The following SLC25A43 variants were observed in gnomAD, a reference collection of about 807,000 sequenced individuals.
SLC25A43 encodes solute carrier family 25, member 43.
SLC25A43 carries 10 observed loss-of-function variants against 22.8 expected under a neutral mutation model. The observed-to-expected ratio is 0.44, with a 90% CI of 0.27 to 0.74. The LOEUF is 0.74. Among genes scored for constraint, SLC25A43 ranks in the 30% least tolerant of loss-of-function variants. The pLI, the probability that SLC25A43 is intolerant of heterozygous loss-of-function variation, is 0.17. For synonymous variants in SLC25A43, 106 were observed against 121.6 expected, an observed-to-expected ratio of 0.87 and a Z score of 0.84; for missense variants, 233 against 279.1, an observed-to-expected ratio of 0.83 and a Z score of 1.18.
At chrX:119,414,914 ATTTTTTTTT>A (rs767288270) in intron 3 of SLC25A43, among the ~76,000 whole-genome samples, 5 of 56,934 alleles carry the variant, frequency 8.8e-5, no homozygotes, top group Non-Finnish European at 1.2e-4. Flanking sequence ...CACCCAGCTA[ATTTTTTTTT>A]TTTTTTTTTT....
At chrX:119,429,910 C>T (rs755435622) in intron 3 of SLC25A43, among the ~76,000 whole-genome samples, 49 of 112,221 alleles carry the variant, frequency 4.4e-4, no homozygotes, top group Admixed American at 7.6e-4. Flanking sequence ...GCATGGATTA[C>T]AGGATCTGGA....
At chrX:119,402,064 C>T (rs760129857) in intron 1 of SLC25A43, among the ~76,000 whole-genome samples, 26 of 111,967 alleles carry the variant, frequency 2.3e-4, no homozygotes, top group African/African-American at 7.8e-4. Context: ...TTTGATTAAT[C>T]GCGATGCCAT....
chrX:119,399,457 C>G lies in SLC25A43; in HGVS notation c.54C>G (p.Cys18Trp). The change falls in exon 1 of 5, where the codon TGC becomes TGG. Residue 18 changes from cysteine to tryptophan, a missense_variant. Cys to Trp is a radical substitution (Grantham distance 215). Coordinates refer to ENST00000217909, the MANE Select transcript of SLC25A43 (RefSeq NM_145305.3). Reference protein sequence around the residue: ...GRLTGGQRLLCAGLAGTLSLS... With the variant: ...GRLTGGQRLLWAGLAGTLSLS... ...TGACAGGCGGCCAAAGGCTGCTGTG[C>G]GCTGGGCTGGCGGGGACGCTCAGCC... 2.9e-6 allele frequency: 3 copies of G among 1,050,962 alleles called. No homozygotes were observed. Among genetic ancestry groups the G allele is most frequent in the Non-Finnish European group, 3.7e-6 (3 of 819,147 alleles). The allele number at this position is 1,050,962 out of a possible 1,213,427, so 86.6% of individuals were successfully genotyped here.
chrX:119,412,788 CT>C (rs2052362424), intron 3 of SLC25A43, among the ~76,000 whole-genome samples: 1 of 110,666 alleles, frequency 9.0e-6, no homozygotes, highest in Non-Finnish European at 1.9e-5. Flanking sequence ...TTGTTTCTGA[CT>C]TTGCTTTTCT....
chrX:119,430,544 T>C (rs769251962), intron 3 of SLC25A43, among the ~76,000 whole-genome samples: 2 of 112,076 alleles, frequency 1.8e-5, no homozygotes, highest in South Asian at 7.3e-4. Context: ...AGCAGCAGGC[T>C]GATGGACTCA....
intron 3 of SLC25A43, among the ~76,000 whole-genome samples, chrX:119,429,182 G>A (rs887425208): frequency 1.8e-5 from 2 of 108,934 alleles, no homozygotes; most frequent in Non-Finnish European, 3.8e-5. Flanking sequence ...CTCCCGAGTA[G>A]CTGGGAGTAC....
chrX:119,444,107 G>A (rs1175659607), intron 3 of SLC25A43, among the ~76,000 whole-genome samples: 1 of 111,061 alleles, frequency 9.0e-6, no homozygotes, highest in Non-Finnish European at 1.9e-5. Context: ...GATTAATGAG[G>A]AAAGATATAA....
At chrX:119,415,883 C>G (rs1174957431) in intron 3 of SLC25A43, among the ~76,000 whole-genome samples, 1 of 107,509 alleles carries the variant, frequency 9.3e-6, no homozygotes, top group African/African-American at 3.4e-5. Flanking sequence ...TGGTGCACAC[C>G]TGTAGTCCCA....
intron 3 of SLC25A43, among the ~76,000 whole-genome samples, chrX:119,451,691 A>G (rs889301959): frequency 8.9e-6 from 1 of 112,079 alleles, no homozygotes; most frequent in African/African-American, 3.2e-5. Context: ...GGCTAAGGGC[A>G]TGGGATTATG....
intron 3 of SLC25A43, among the ~76,000 whole-genome samples, chrX:119,443,795 G>T (rs749392182): frequency 8.2e-5 from 9 of 109,391 alleles, no homozygotes; most frequent in Non-Finnish European, 1.5e-4. Flanking sequence ...GCCCAGGCTG[G>T]ATTGCCGTGG....
intron 2 of SLC25A43, among the ~76,000 whole-genome samples, chrX:119,407,299 C>T (rs774147791): frequency 7.2e-5 from 8 of 111,190 alleles, no homozygotes; most frequent in Non-Finnish European, 1.5e-4. Flanking sequence ...GTTGCTCTTC[C>T]CCTGGGCTCC....
rs771342768 is a variant in SLC25A43 at position 119,416,960 on chromosome X, A to T, written c.690+6598A>T. 2.7e-5 allele frequency among the ~76,000 whole-genome samples: 3 copies of T among 112,238 alleles called. No individual in the cohort carries two copies. The South Asian group carries it at 1.1e-3, about 41-fold the overall frequency. On this transcript the variant is annotated intron_variant, in intron 3 of 4. Transcript: ENST00000217909. The stretch of plus-strand genomic sequence containing the variant: ...ACTGTAAGTGTTTTATTCATTTTTT[A>T]AAAATCCTGGTCCTAAGAATTTCTC...
chrX:119,402,007 A>C (rs1259852785), intron 1 of SLC25A43, among the ~76,000 whole-genome samples: 1 of 111,748 alleles, frequency 8.9e-6, no homozygotes, highest in Non-Finnish European at 1.9e-5. Flanking sequence ...TGAAAACTAA[A>C]AGGAAGTATT....
chrX:119,427,373 C>T (rs1012015924), intron 3 of SLC25A43, among the ~76,000 whole-genome samples: 1 of 112,182 alleles, frequency 8.9e-6, no homozygotes. Context: ...CTAGTCAACC[C>T]TCTAGCCTGC....
At position 119,451,738 on chromosome X, in the gene SLC25A43, G is replaced by A. The variant is rs1361433215; in HGVS notation, c.691-271G>A. On this transcript the variant is annotated intron_variant, in intron 3 of 4. Transcript: ENST00000217909. The stretch of plus-strand genomic sequence containing the variant: ...CAGAAGGCACAGGTTGGGAGGGAAT[G>A]TAAGTATGAAATTGAATCTGTCCCA... 2.0e-5 allele frequency: 16 copies of A among 802,928 alleles called. No homozygotes were observed. The African/African-American group carries it at 3.1e-4, about 15-fold the overall frequency. The allele number at this position is 802,928 out of a possible 1,213,427, so 66.2% of individuals were successfully genotyped here.
chrX:119,404,549 A>G, intron 1 of SLC25A43, among the ~76,000 whole-genome samples: 1 of 111,825 alleles, frequency 8.9e-6, no homozygotes, highest in Non-Finnish European at 1.9e-5. Context: ...ATGTTCAGCC[A>G]TCCAGAAGGT....
intron 3 of SLC25A43, among the ~76,000 whole-genome samples, chrX:119,428,190 C>T (rs777094938): frequency 6.1e-4 from 68 of 112,142 alleles, no homozygotes; most frequent in African/African-American, 2.2e-3. Flanking sequence ...CACGGTGGCT[C>T]ACGCCTGCAA....
At chrX:119,406,970 A>G (rs1028703582) in intron 2 of SLC25A43, among the ~76,000 whole-genome samples, 2 of 113,101 alleles carry the variant, frequency 1.8e-5, no homozygotes, top group Middle Eastern at 4.6e-3. Context: ...ACCACTCTCC[A>G]TCTGACTGCA....
chrX:119,429,687 C>T (rs1360618557), intron 3 of SLC25A43, among the ~76,000 whole-genome samples: 6 of 111,761 alleles, frequency 5.4e-5, no homozygotes, highest in Non-Finnish European at 1.1e-4. Flanking sequence ...AATAATTATA[C>T]ACTGAGTCAT....
Sources: allele counts gnomAD v4.1 joint callset (sites outside exome capture counted in the v4.1 genomes callset), GRCh38; gene constraint gnomAD v4.1.1; transcripts MANE v1.5; gene names NCBI Gene and HGNC (gene_info 2026-07-23, HGNC 2026-07-21).